MGMT: variants seen among roughly 807,000 people sequenced by gnomAD.
The protein encoded by MGMT is O-6-methylguanine-DNA methyltransferase.
A neutral mutation model predicts 15.9 loss-of-function variants in MGMT; 14 were observed. That is an observed-to-expected ratio of 0.88 (90% CI 0.58 to 1.37). MGMT has a LOEUF of 1.37. Among genes scored for constraint, MGMT ranks in the 40% most tolerant of loss-of-function variants. MGMT has a pLI of 0.00. For synonymous variants in MGMT, 130 were observed against 118.2 expected, an observed-to-expected ratio of 1.10 and a Z score of -0.65; for missense variants, 282 against 268.1, an observed-to-expected ratio of 1.05 and a Z score of -0.36.
intron 1 of MGMT, among the ~76,000 whole-genome samples, chr10:129,476,510 C>A (rs1473329982): frequency 6.6e-6 from 1 of 152,146 alleles, no homozygotes; most frequent in Non-Finnish European, 1.5e-5. Context: ...CCAGGGGTGT[C>A]CTGGGTTCCC....
intron 3 of MGMT, among the ~76,000 whole-genome samples, chr10:129,721,816 AGAATTAGCATATT>A (rs1848375171): frequency 5.1e-5 from 2 of 39,294 alleles, no homozygotes; most frequent in African/African-American, 7.7e-5. Flanking sequence ...TTCTTTTATT[AGAATTAGCATATT>A]AGAATGCTAA....
chr10:129,580,796 CA>C (rs1247494507), intron 2 of MGMT, among the ~76,000 whole-genome samples: 7 of 152,246 alleles, frequency 4.6e-5, no homozygotes, highest in African/African-American at 1.7e-4. Flanking sequence ...CAGCTCAAGG[CA>C]GCAAGTGCCT....
chr10:129,718,014 T>C (rs1385169153), intron 3 of MGMT: 1 of 152,214 alleles, frequency 6.6e-6, no homozygotes, highest in African/African-American at 2.4e-5. Context: ...TGTTTCTCTG[T>C]CAACCCATGT....
intron 4 of MGMT, among the ~76,000 whole-genome samples, chr10:129,760,792 A>T (rs1014797573): frequency 6.6e-6 from 1 of 152,192 alleles, no homozygotes; most frequent in African/African-American, 2.4e-5. Flanking sequence ...CAGGAGTGAG[A>T]TACCACAGGG....
chr10:129,534,879 T>A (rs1845968915), intron 1 of MGMT, among the ~76,000 whole-genome samples: 1 of 152,060 alleles, frequency 6.6e-6, no homozygotes, highest in African/African-American at 2.4e-5. Flanking sequence ...GCAGGCCTTT[T>A]CTGTAGAGGG....
chr10:129,615,292 G>A (rs768640802), intron 2 of MGMT, among the ~76,000 whole-genome samples: 3 of 152,194 alleles, frequency 2.0e-5, no homozygotes, highest in Non-Finnish European at 1.5e-5. Context: ...ACGTGCCCCT[G>A]CTTGGGCAGA....
At chr10:129,612,797 C>A (rs1846976905) in intron 2 of MGMT, among the ~76,000 whole-genome samples, 1 of 152,204 alleles carries the variant, frequency 6.6e-6, no homozygotes. Flanking sequence ...GTTTCGGCAT[C>A]TCTGTAAAAT....
intron 2 of MGMT, among the ~76,000 whole-genome samples, chr10:129,591,874 T>G (rs1208448873): frequency 1.3e-5 from 2 of 152,174 alleles, no homozygotes; most frequent in Non-Finnish European, 2.9e-5. Flanking sequence ...GAGATCACAG[T>G]GAGCCGAGAT....
chr10:129,707,048 G>T (rs1034807469), intron 2 of MGMT, among the ~76,000 whole-genome samples: 1 of 152,132 alleles, frequency 6.6e-6, no homozygotes, highest in African/African-American at 2.4e-5. Flanking sequence ...GATCACCTGA[G>T]GTCAGGAGTT....
chr10:129,602,502 T>C (rs944896105), intron 2 of MGMT, among the ~76,000 whole-genome samples: 4 of 152,214 alleles, frequency 2.6e-5, no homozygotes, highest in African/African-American at 9.6e-5. Context: ...TTGCTTGTAC[T>C]GTGCCTTGTG....
At chr10:129,567,076 A>T (rs1456589499) in intron 2 of MGMT, among the ~76,000 whole-genome samples, 1 of 151,608 alleles carries the variant, frequency 6.6e-6, no homozygotes, top group Non-Finnish European at 1.5e-5. Flanking sequence ...CATTTTAGAG[A>T]CCCGGAAAAG....
At chr10:129,632,134 C>T (rs181171762) in intron 2 of MGMT, among the ~76,000 whole-genome samples, 122 of 152,344 alleles carry the variant, frequency 8.0e-4, no homozygotes, top group African/African-American at 2.8e-3. Context: ...TTTTATGCAC[C>T]AGCGTATGCA....
At chr10:129,747,144 A>G (rs1848703906) in intron 3 of MGMT, among the ~76,000 whole-genome samples, 1 of 152,208 alleles carries the variant, frequency 6.6e-6, no homozygotes, top group Non-Finnish European at 1.5e-5. Flanking sequence ...CCTTGTATCT[A>G]GTGACTTTGC....
At chr10:129,609,377 G>A (rs774799010) in intron 2 of MGMT, among the ~76,000 whole-genome samples, 3 of 151,416 alleles carry the variant, frequency 2.0e-5, no homozygotes, top group Non-Finnish European at 4.4e-5. Context: ...GCCCCATCCG[G>A]ATGATAGAGG....
chr10:129,631,591 G>C (rs1847210336), intron 2 of MGMT, among the ~76,000 whole-genome samples: 1 of 152,212 alleles, frequency 6.6e-6, no homozygotes. Flanking sequence ...GGTAGGCCAA[G>C]GTGGGCAGAT....
intron 3 of MGMT, among the ~76,000 whole-genome samples, chr10:129,715,081 C>G (rs985407560): frequency 6.6e-6 from 1 of 152,220 alleles, no homozygotes; most frequent in Non-Finnish European, 1.5e-5. Context: ...ACCAAGAGGA[C>G]TGTTTGAGAG....
chr10:129,557,172 A>G (rs532534098), intron 2 of MGMT, among the ~76,000 whole-genome samples: 1 of 152,374 alleles, frequency 6.6e-6, no homozygotes, highest in East Asian at 1.9e-4. Context: ...ATCCTATCAG[A>G]AAGCATGTGC....
At position 129,717,205 on chromosome 10, in the gene MGMT, G is replaced by A. The variant is rs368582481; in HGVS notation, c.274+9162G>A. Reference sequence around the variant, plus strand: ...ACTTTCAGTGTGATACCCTTGCCACGCAAGTGCATGTATTTCTGCCCCAGG... The same window carrying A: ...ACTTTCAGTGTGATACCCTTGCCACACAAGTGCATGTATTTCTGCCCCAGG... On this transcript the variant is annotated intron_variant, in intron 3 of 4. Coordinates refer to ENST00000651593, the MANE Select transcript of MGMT (RefSeq NM_002412.5). Among the ~76,000 whole-genome samples the A allele has an allele frequency of 2.7e-3, 406 of 152,282 alleles. 1 individual carries two copies. The highest frequency in any genetic ancestry group is 7.2e-3 in the South Asian group (35 of 4,828).
chr10:129,610,093 G>C (rs1365335317), intron 2 of MGMT, among the ~76,000 whole-genome samples: 1 of 151,960 alleles, frequency 6.6e-6, no homozygotes, highest in East Asian at 1.9e-4. Flanking sequence ...AGTATGCTTT[G>C]GTCTATTATT....
Sources: gnomAD v4.1 joint callset for allele counts (sites outside exome capture counted in the v4.1 genomes callset) on GRCh38, gnomAD v4.1.1 for gene constraint, MANE v1.5 for transcripts, NCBI Gene and HGNC (gene_info 2026-07-23, HGNC 2026-07-21) for gene names.